Variants in GALNTL5 observed in about 807,000 individuals in gnomAD.
The protein encoded by GALNTL5 is polypeptide N-acetylgalactosaminyltransferase like 5, also known as inactive polypeptide N-acetylgalactosaminyltransferase-like protein 5.
Under a neutral mutation model 51.0 loss-of-function variants are expected in GALNTL5, and 44 were observed. The observed-to-expected ratio is 0.86, with a 90% CI of 0.68 to 1.11. The LOEUF is 1.11. GALNTL5 is among the 50% of genes least tolerant of loss of function. The probability of loss-of-function intolerance (pLI) is 0.00; values close to 1 mark genes in which losing one functional copy is unlikely to be tolerated. For synonymous variants in GALNTL5, 192 were observed against 182.8 expected, an observed-to-expected ratio of 1.05 and a Z score of -0.41; for missense variants, 528 against 531.8, an observed-to-expected ratio of 0.99 and a Z score of 0.07.
chr7:151,978,752 T>C (rs956533303), intron 3 of GALNTL5, among the ~76,000 whole-genome samples: 1 of 152,210 alleles, frequency 6.6e-6, no homozygotes, highest in African/African-American at 2.4e-5. Flanking sequence ...GGCTTATAGA[T>C]GGCCGTCTTC....
At chr7:152,015,189 T>G (rs2081791527) in intron 8 of GALNTL5, among the ~76,000 whole-genome samples, 1 of 152,132 alleles carries the variant, frequency 6.6e-6, no homozygotes, top group African/African-American at 2.4e-5. Flanking sequence ...TTACATCTCA[T>G]TATTTTTGTT....
At chr7:151,982,871 A>G (rs1190904223) in intron 3 of GALNTL5, 115 bp from the exon 4 acceptor site, 1 of 1,589,544 alleles carries the variant, frequency 6.3e-7, no homozygotes, top group Non-Finnish European at 8.5e-7. Context: ...CATAATTATC[A>G]GTTGAAGGAG....
intron 5 of GALNTL5, among the ~76,000 whole-genome samples, chr7:151,999,709 G>A (rs62480045): frequency 0.032 from 4,826 of 152,222 alleles, 103 homozygotes; most frequent in Non-Finnish European, 0.048. Context: ...ATTTTAAAAT[G>A]CTAATAATGT....
In GALNTL5 at chr7:151,967,203, T is replaced by A. The variant is rs747944292; in HGVS notation, c.-39-5T>A. ...TGCTGCTCCTCTTAAATCATTCTGATTTAGGAAATTGAAAAATGGACCTTT... is the reference window on the plus strand; with the variant it reads ...TGCTGCTCCTCTTAAATCATTCTGAATTAGGAAATTGAAAAATGGACCTTT... On this transcript the variant is annotated splice_polypyrimidine_tract_variant and splice_region_variant and intron_variant, in intron 1 of 8. Coordinates refer to ENST00000392800, the MANE Select transcript of GALNTL5 (RefSeq NM_145292.4). 3 of 1,569,630 alleles carry A rather than the reference T, an allele frequency of 1.9e-6. No homozygotes were observed. In the South Asian group the frequency reaches 3.4e-5, roughly 18 times the overall value.
intron 5 of GALNTL5, among the ~76,000 whole-genome samples, chr7:151,989,279 G>A (rs1323113450): frequency 6.6e-6 from 1 of 151,388 alleles, no homozygotes; most frequent in African/African-American, 2.4e-5. Context: ...CCTCCCCCAA[G>A]AGCTGGGATT....
At chr7:151,984,724 C>T (rs1047544753) in intron 4 of GALNTL5, among the ~76,000 whole-genome samples, 8 of 152,134 alleles carry the variant, frequency 5.3e-5, no homozygotes, top group African/African-American at 1.7e-4. Context: ...AAAGACTGAG[C>T]AGCATGTTTG....
intron 5 of GALNTL5, among the ~76,000 whole-genome samples, chr7:151,989,957 A>G (rs747240031): frequency 6.6e-6 from 1 of 152,170 alleles, no homozygotes; most frequent in African/African-American, 2.4e-5. Flanking sequence ...CAGAAATTCT[A>G]TATTATGAAC....
At chr7:151,997,353 G>A (rs4591942) in intron 5 of GALNTL5, among the ~76,000 whole-genome samples, 35,672 of 152,066 alleles carry the variant, frequency 0.23, 4,300 homozygotes, top group Middle Eastern at 0.31. Context: ...ACTCTCGAAG[G>A]CAGCAGAAGT....
intron 7 of GALNTL5, among the ~76,000 whole-genome samples, chr7:152,014,203 C>G (rs2081775813): frequency 6.6e-6 from 1 of 152,204 alleles, no homozygotes; most frequent in South Asian, 2.1e-4. Context: ...ATCACAGAAT[C>G]TGAATTATAA....
At chr7:151,976,054 T>C (rs2081201426) in intron 3 of GALNTL5, among the ~76,000 whole-genome samples, 1 of 152,224 alleles carries the variant, frequency 6.6e-6, no homozygotes, top group Non-Finnish European at 1.5e-5. Context: ...AGCTGTTGGA[T>C]AAAATGCTCA....
intron 7 of GALNTL5, among the ~76,000 whole-genome samples, chr7:152,012,504 T>A (rs1407646052): frequency 6.6e-6 from 1 of 152,162 alleles, no homozygotes. Flanking sequence ...TTGGGAGATT[T>A]CTCAAAGAAT....
At chr7:152,011,606 A>T (rs935255100) in intron 7 of GALNTL5, among the ~76,000 whole-genome samples, 1 of 152,228 alleles carries the variant, frequency 6.6e-6, no homozygotes, top group African/African-American at 2.4e-5. Context: ...TATCAATGCC[A>T]GTTTAGACTC....
At chr7:151,977,282 A>G (rs1362788038) in intron 3 of GALNTL5, among the ~76,000 whole-genome samples, 2 of 152,192 alleles carry the variant, frequency 1.3e-5, no homozygotes, top group Non-Finnish European at 2.9e-5. Context: ...AAAATAAGTT[A>G]TAAGTGGTGA....
chr7:151,966,914 G>A (rs1192921781), intron 1 of GALNTL5, among the ~76,000 whole-genome samples: 1 of 152,194 alleles, frequency 6.6e-6, no homozygotes, highest in Non-Finnish European at 1.5e-5. Flanking sequence ...ATCTGGATAA[G>A]GGATGAGTAA....
chr7:152,014,903 TA>T, intron 8 of GALNTL5, 110 bp downstream of exon 8: 1 of 988,374 alleles, frequency 1.0e-6, no homozygotes, highest in Non-Finnish European at 1.5e-6. Context: ...TGGAGGTCAT[TA>T]TCCTAAGCAA....
chr7:151,980,093 TA>T (rs1653291517), intron 3 of GALNTL5, among the ~76,000 whole-genome samples: 1 of 152,156 alleles, frequency 6.6e-6, no homozygotes, highest in Non-Finnish European at 1.5e-5. Flanking sequence ...CTTACTGGAA[TA>T]TTTTTTTGAG....
intron 5 of GALNTL5, among the ~76,000 whole-genome samples, chr7:152,002,357 A>G (rs1232036682): frequency 6.6e-6 from 1 of 152,160 alleles, no homozygotes; most frequent in African/African-American, 2.4e-5. Context: ...CTCAATGCCT[A>G]AGAAGGTGTC....
chr7:151,987,324 G>A, intron 5 of GALNTL5, 43 bp downstream of exon 5: 1 of 1,523,294 alleles, frequency 6.6e-7, no homozygotes, highest in Non-Finnish European at 8.7e-7. Context: ...CGGCGTCACA[G>A]AGATCTTCCC....
intron 4 of GALNTL5, among the ~76,000 whole-genome samples, chr7:151,986,862 A>G (rs1340858589): frequency 6.6e-6 from 1 of 151,286 alleles, no homozygotes. Context: ...AGTACCTGGG[A>G]TTACAGGCGC....
Sources: allele counts gnomAD v4.1 joint callset (sites outside exome capture counted in the v4.1 genomes callset), GRCh38; gene constraint gnomAD v4.1.1; transcripts MANE v1.5; gene names NCBI Gene and HGNC (gene_info 2026-07-23, HGNC 2026-07-21).